NBEA: variants seen among roughly 807,000 people sequenced by gnomAD.
NBEA encodes lysosomal-trafficking regulator 2.
Under a neutral mutation model 343.4 loss-of-function variants are expected in NBEA, and 44 were observed. The ratio of observed to expected loss-of-function variants is 0.13; its 90% confidence interval spans 0.10 to 0.16. NBEA has a LOEUF of 0.16. Ranked by LOEUF, NBEA falls within the 10% of genes least tolerant of loss-of-function variation. The pLI, the probability that NBEA is intolerant of heterozygous loss-of-function variation, is 1.00. For synonymous variants in NBEA, 1,175 were observed against 1,238.7 expected, an observed-to-expected ratio of 0.95 and a Z score of 1.08; for missense variants, 2,555 against 3,631.3, an observed-to-expected ratio of 0.70 and a Z score of 7.62.
intron 49 of NBEA, among the ~76,000 whole-genome samples, chr13:35,639,988 A>T (rs1193024369): frequency 1.3e-5 from 2 of 150,730 alleles, no homozygotes; most frequent in Non-Finnish European, 2.9e-5. Context: ...AGTTGTAATC[A>T]TTCTATGGAG....
intron 38 of NBEA, among the ~76,000 whole-genome samples, chr13:35,386,636 C>A (rs1449372162): frequency 6.6e-6 from 1 of 151,946 alleles, no homozygotes. Flanking sequence ...AGTTATTTCC[C>A]AAAGTATTTT....
intron 38 of NBEA, among the ~76,000 whole-genome samples, chr13:35,365,502 ATCTACCAAACCAAAAAATGT>A (rs2041050768): frequency 1.3e-5 from 2 of 151,646 alleles, no homozygotes; most frequent in African/African-American, 4.8e-5. Context: ...TAAAATATAC[ATCTACCAAACCAAAAAATGT>A]TTTTCAAAAA....
intron 38 of NBEA, among the ~76,000 whole-genome samples, chr13:35,374,550 T>G (rs901269772): frequency 2.0e-5 from 3 of 152,140 alleles, no homozygotes. Context: ...CTAAGTGCAG[T>G]AGAACAAGGT....
chr13:35,503,821 G>C (rs150630322), intron 41 of NBEA, among the ~76,000 whole-genome samples: 1 of 152,146 alleles, frequency 6.6e-6, no homozygotes, highest in African/African-American at 2.4e-5. Flanking sequence ...CTGATTAACT[G>C]ATCATCACAC....
chr13:35,159,092 A>C lies in NBEA; in HGVS notation c.2921A>C (p.Lys974Thr). 1 of 1,613,510 alleles carries C rather than the reference A, an allele frequency of 6.2e-7. No individual in the cohort carries two copies. The highest frequency in any genetic ancestry group is 8.5e-7 in the Non-Finnish European group (1 of 1,179,614). The change falls in exon 22 of 59, where the codon AAA becomes ACA. Residue 974 changes from lysine (K) to threonine (T), a missense_variant. By Grantham distance (78) the Lys-to-Thr change is moderately conservative. Transcript: ENST00000379939. Reference protein sequence around the residue: ...EYQRQEEENIKKGKKGNVSTI... With the variant: ...EYQRQEEENITKGKKGNVSTI... Reference sequence around the variant, plus strand: ...CAAAGACAAGAGGAGGAAAACATTAAAAAGGGAAAGAAAGGGAATGTGAGC... The same window carrying C: ...CAAAGACAAGAGGAGGAAAACATTACAAAGGGAAAGAAAGGGAATGTGAGC...
intron 11 of NBEA, among the ~76,000 whole-genome samples, chr13:35,106,260 A>G (rs1332801071): frequency 5.9e-5 from 9 of 151,998 alleles, no homozygotes; most frequent in Admixed American, 1.3e-4. Flanking sequence ...TCTTTCTAAA[A>G]TAGCTTTACT....
At chr13:35,368,276 A>G (rs2210009) in intron 38 of NBEA, among the ~76,000 whole-genome samples, 44,136 of 151,360 alleles carry the variant, frequency 0.29, 8,277 homozygotes, top group African/African-American at 0.54. Context: ...ATTATTTTAC[A>G]TTAAACTTCA....
intron 31 of NBEA, among the ~76,000 whole-genome samples, chr13:35,205,053 G>C: frequency 6.6e-6 from 1 of 152,094 alleles, no homozygotes; most frequent in East Asian, 1.9e-4. Context: ...AACACATACT[G>C]GTTAGTGTGG....
At chr13:35,257,719 C>T (rs558524102) in intron 34 of NBEA, among the ~76,000 whole-genome samples, 194 of 152,242 alleles carry the variant, frequency 1.3e-3, no homozygotes, top group Non-Finnish European at 2.4e-3. Context: ...TTATTTCCTG[C>T]TTTTTAAAAT....
intron 41 of NBEA, among the ~76,000 whole-genome samples, chr13:35,487,257 T>C (rs912836825): frequency 6.6e-6 from 1 of 151,964 alleles, no homozygotes; most frequent in Non-Finnish European, 1.5e-5. Flanking sequence ...TATTATTATA[T>C]AAAGACTATT....
Position 35,155,852 on chromosome 13 carries a change from C to A in NBEA, c.2524C>A (p.Pro842Thr). Residue 842 changes from proline (P) to threonine (T), a missense_variant, in exon 19 of 59, where the codon CCA becomes ACA. Physicochemically the swap from Pro to Thr is conservative, Grantham distance 38. Around this residue, in one of 21 missense-constraint regions of NBEA, gnomAD observed 360 missense variants for 519.1 expected, o/e 0.69. Transcript: ENST00000379939. Reference protein sequence around the residue: ...EPDSTVKIQNPMILKVVATLL... With the variant: ...EPDSTVKIQNTMILKVVATLL... ...AGATTCTACAGTGAAAATTCAGAATCCAAGTGAGCAAATGGCAGTTCTTTA... is the reference window on the plus strand; with the variant it reads ...AGATTCTACAGTGAAAATTCAGAATACAAGTGAGCAAATGGCAGTTCTTTA... 1 of 1,609,560 alleles carries A rather than the reference C, an allele frequency of 6.2e-7. No homozygotes were observed. Among genetic ancestry groups the A allele is most frequent in the South Asian group, 1.1e-5 (1 of 90,952 alleles).
At chr13:35,209,713 A>T (rs941607738) in intron 32 of NBEA, among the ~76,000 whole-genome samples, 1 of 152,010 alleles carries the variant, frequency 6.6e-6, no homozygotes, top group African/African-American at 2.4e-5. Flanking sequence ...TCCCATTTTT[A>T]TTAATTTCAT....
intron 17 of NBEA, among the ~76,000 whole-genome samples, chr13:35,126,553 A>T (rs1224976156): frequency 6.6e-6 from 1 of 152,196 alleles, no homozygotes; most frequent in African/African-American, 2.4e-5. Flanking sequence ...AGCAAATATT[A>T]TGAATAGATG....
rs554232355 is a variant in NBEA at position 35,655,028 on chromosome 13, A to G, written c.8191+18A>G. 13 of 1,494,860 alleles carry G rather than the reference A, an allele frequency of 8.7e-6. No individual in the cohort carries two copies. The highest frequency in any genetic ancestry group is 1.4e-5 in the African/African-American group (1 of 69,194). The allele number at this position is 1,494,860 out of a possible 1,614,324, so 92.6% of individuals were successfully genotyped here. ...AGAAACAGGTAATCCTAACTATGAAACACCATATTCTCTTCAAAATGACTA... is the reference window on the plus strand; with the variant it reads ...AGAAACAGGTAATCCTAACTATGAAGCACCATATTCTCTTCAAAATGACTA... On this transcript the variant is annotated intron_variant, in intron 54 of 58. Coordinates refer to ENST00000379939, the MANE Select transcript of NBEA (RefSeq NM_001385012.1).
At chr13:35,311,316 AAAAT>A (rs2037350497) in intron 36 of NBEA, among the ~76,000 whole-genome samples, 1 of 145,962 alleles carries the variant, frequency 6.9e-6, no homozygotes. Flanking sequence ...CTGCGAAGTA[AAAAT>A]ATATATATAT....
chr13:35,612,178 G>A (rs2082548109), intron 48 of NBEA, among the ~76,000 whole-genome samples: 1 of 151,624 alleles, frequency 6.6e-6, no homozygotes, highest in Non-Finnish European at 1.5e-5. Context: ...TGTCGCCCAG[G>A]CTGGAGTGCA....
chr13:35,251,857 C>T lies in NBEA; in HGVS notation c.5776+19238C>T, dbSNP rs143211090. On this transcript the variant is annotated intron_variant, in intron 34 of 58. Coordinates refer to ENST00000379939, the MANE Select transcript of NBEA (RefSeq NM_001385012.1). ...TGCTCTAGTGCTACCTGCACCTCCG[C>T]GGGCCAACTGGGCCACAGCTCTGAT... is the stretch of plus-strand genomic sequence containing the variant. 5.3e-3 allele frequency: 831 copies of T among 157,046 alleles called. 4 individuals are homozygous for T. Among genetic ancestry groups the T allele is most frequent in the South Asian group, 0.013 (67 of 5,306 alleles). 9.7% of individuals were successfully genotyped at this position (157,046 alleles called of 1,614,324 possible).
intron 1 of NBEA, among the ~76,000 whole-genome samples, chr13:34,993,232 C>T (rs1020193278): frequency 6.6e-5 from 10 of 152,130 alleles, no homozygotes; most frequent in Non-Finnish European, 1.3e-4. Flanking sequence ...TCCTAATGAT[C>T]TCAGCCGAAA....
chr13:35,040,896 C>T (rs1417496910), intron 1 of NBEA, 37 bp from the exon 2 acceptor site: 1 of 1,528,888 alleles, frequency 6.5e-7, no homozygotes, highest in African/African-American at 1.4e-5. Context: ...GATAACCTCC[C>T]ATGTTAACAC....
Sources: allele counts gnomAD v4.1 joint callset (sites outside exome capture counted in the v4.1 genomes callset), GRCh38; gene constraint gnomAD v4.1.1; regional missense constraint gnomAD v4.1.1; transcripts MANE v1.5; gene names NCBI Gene and HGNC (gene_info 2026-07-23, HGNC 2026-07-21).